Variants in CSMD3 observed in about 807,000 individuals in gnomAD.
CSMD3 encodes the protein CUB and Sushi multiple domains 3, also known as CUB and sushi domain-containing protein 3.
In CSMD3, 177 loss-of-function variants were observed where a neutral mutation model predicts 435.2. The observed-to-expected ratio is 0.41, with a 90% CI of 0.36 to 0.46. CSMD3 has a LOEUF of 0.46. Ranked by LOEUF, CSMD3 falls within the 20% of genes least tolerant of loss-of-function variation. The pLI is 0.34. For missense variants in CSMD3, 4,265 were observed against 4,504.6 expected (o/e 0.95, Z 1.52); for synonymous variants, 1,656 against 1,520.5 (o/e 1.09, Z -2.07).
intron 13 of CSMD3, among the ~76,000 whole-genome samples, chr8:112,767,207 C>T (rs1187073817): frequency 1.3e-5 from 2 of 151,676 alleles, no homozygotes; most frequent in East Asian, 1.9e-4. Context: ...ATTGAGTTTA[C>T]AAAGATTTAC....
intron 4 of CSMD3, among the ~76,000 whole-genome samples, chr8:113,160,274 TAAC>T (rs2131830180): frequency 6.6e-6 from 1 of 152,024 alleles, no homozygotes; most frequent in Admixed American, 6.6e-5. Context: ...TCTTCTATAT[TAAC>T]AACCTAGAAA....
intron 22 of CSMD3, among the ~76,000 whole-genome samples, chr8:112,616,038 A>G (rs1467524919): frequency 6.6e-6 from 1 of 152,112 alleles, no homozygotes; most frequent in Non-Finnish European, 1.5e-5. Flanking sequence ...ACTTTCATTA[A>G]CTACAGGCAC....
intron 5 of CSMD3, among the ~76,000 whole-genome samples, chr8:113,078,538 A>C (rs191015806): frequency 2.3e-4 from 35 of 152,304 alleles, no homozygotes; most frequent in African/African-American, 7.9e-4. Flanking sequence ...CATGAACATA[A>C]AATTTCAATT....
At chr8:113,228,875 G>GGCC (rs1481821584) in intron 3 of CSMD3, among the ~76,000 whole-genome samples, 2 of 151,506 alleles carry the variant, frequency 1.3e-5, no homozygotes, top group Non-Finnish European at 3.0e-5. Context: ...ACGTGTATAA[G>GGCC]GCCTCAAAGC....
chr8:112,470,385 T>C (rs888574195), intron 32 of CSMD3, among the ~76,000 whole-genome samples: 1 of 152,150 alleles, frequency 6.6e-6, no homozygotes, highest in Non-Finnish European at 1.5e-5. Flanking sequence ...TGTGTATGCA[T>C]GTGACTTACT....
chr8:113,061,544 T>C (rs1375865885), intron 5 of CSMD3, among the ~76,000 whole-genome samples: 1 of 152,126 alleles, frequency 6.6e-6, no homozygotes, highest in Non-Finnish European at 1.5e-5. Context: ...TTGAATTGAT[T>C]AGTAAAAGGT....
chr8:113,361,582 AGT>A (rs1165535399), intron 1 of CSMD3, among the ~76,000 whole-genome samples: 1 of 152,106 alleles, frequency 6.6e-6, no homozygotes, highest in Admixed American at 6.6e-5. Context: ...TAGACAAGAC[AGT>A]GTATCATTAT....
chr8:113,065,635 G>C (rs1268199137), intron 5 of CSMD3, among the ~76,000 whole-genome samples: 1 of 151,912 alleles, frequency 6.6e-6, no homozygotes, highest in African/African-American at 2.4e-5. Flanking sequence ...TGATCCGCCC[G>C]CCTCGTGCTC....
At chr8:113,152,715 C>A (rs1444729614) in intron 4 of CSMD3, among the ~76,000 whole-genome samples, 1 of 152,012 alleles carries the variant, frequency 6.6e-6, no homozygotes, top group Non-Finnish European at 1.5e-5. Context: ...TGCAGTGGCT[C>A]ATGTTTGTAA....
At chr8:112,693,384 A>T (rs2131840127) in intron 13 of CSMD3, among the ~76,000 whole-genome samples, 1 of 152,118 alleles carries the variant, frequency 6.6e-6, no homozygotes, top group African/African-American at 2.4e-5. Context: ...TCATCTGAAA[A>T]TGTCTTTATT....
At chr8:113,109,192 A>G (rs2090567567) in intron 4 of CSMD3, among the ~76,000 whole-genome samples, 1 of 152,242 alleles carries the variant, frequency 6.6e-6, no homozygotes, top group Non-Finnish European at 1.5e-5. Context: ...CGGTGAGGAT[A>G]AAACATCTTT....
At chr8:112,897,692 C>CTGTG (rs1172828603) in intron 10 of CSMD3, among the ~76,000 whole-genome samples, 5 of 56,986 alleles carry the variant, frequency 8.8e-5, no homozygotes, top group Non-Finnish European at 1.9e-4. Context: ...CTCTCTCTCT[C>CTGTG]TCTGTGTGTG....
intron 10 of CSMD3, among the ~76,000 whole-genome samples, chr8:112,898,946 G>C (rs1458722766): frequency 1.3e-4 from 20 of 151,260 alleles, no homozygotes; most frequent in African/African-American, 2.4e-5. Flanking sequence ...AACCTGCAAA[G>C]TTTACATTAC....
chr8:113,289,166 G>A (rs562047681), intron 2 of CSMD3, among the ~76,000 whole-genome samples: 32 of 151,664 alleles, frequency 2.1e-4, no homozygotes, highest in Non-Finnish European at 4.1e-4. Context: ...GTTTAAATAA[G>A]TTAATACAAG....
At position 112,374,933 on chromosome 8, in the gene CSMD3, C is replaced by T. The variant is rs377732674; in HGVS notation, c.6136+5419G>A. ...AGGGATCATTTTGAACCCAAAGCAT[C>T]GCTTTGCGAACATTTAGATTATGTG... On this transcript the variant is annotated intron_variant, in intron 38 of 70. Transcript: ENST00000297405. Among the ~76,000 whole-genome samples the T allele has an allele frequency of 3.9e-5, 6 of 152,238 alleles. No individual in the cohort carries two copies. The East Asian group carries it at 5.8e-4, about 15-fold the overall frequency.
At chr8:113,311,975 G>C (rs2093872909) in intron 2 of CSMD3, 1 of 151,548 alleles carries the variant, frequency 6.6e-6, no homozygotes, top group Non-Finnish European at 1.5e-5. Context: ...CTTACCTTTC[G>C]GTTTATATTT....
At chr8:113,349,161 T>A (rs971090559) in intron 1 of CSMD3, among the ~76,000 whole-genome samples, 2 of 152,118 alleles carry the variant, frequency 1.3e-5, no homozygotes, top group Non-Finnish European at 2.9e-5. Context: ...CCTTACCAAA[T>A]CAATGAGTCT....
intron 9 of CSMD3, among the ~76,000 whole-genome samples, chr8:112,945,067 T>C (rs1029861947): frequency 1.3e-5 from 2 of 151,668 alleles, no homozygotes; most frequent in Non-Finnish European, 3.0e-5. Context: ...AACTGAACTC[T>C]CAATTATTCT....
chr8:112,487,975 T>C (rs539434327), intron 31 of CSMD3, among the ~76,000 whole-genome samples: 54 of 152,312 alleles, frequency 3.5e-4, no homozygotes, highest in African/African-American at 1.3e-3. Flanking sequence ...AATTATTTTC[T>C]AAACAAATTT....
Sources: gnomAD v4.1 joint callset for allele counts (sites outside exome capture counted in the v4.1 genomes callset) on GRCh38, gnomAD v4.1.1 for gene constraint, MANE v1.5 for transcripts, NCBI Gene and HGNC (gene_info 2026-07-23, HGNC 2026-07-21) for gene names.